Variants in FAT1 observed in about 807,000 individuals in gnomAD.
FAT1 encodes protocadherin Fat 1.
Under a neutral mutation model 329.8 loss-of-function variants are expected in FAT1, and 171 were observed. That is an observed-to-expected ratio of 0.52 (90% CI 0.46 to 0.59). The LOEUF is 0.59. FAT1 is among the 20% of genes least tolerant of loss of function. The probability of loss-of-function intolerance (pLI) is 0.00; values close to 1 mark genes in which losing one functional copy is unlikely to be tolerated. For synonymous variants in FAT1, 2,233 were observed against 2,228.6 expected (o/e 1.00, Z -0.06); for missense variants, 5,672 against 5,774.4 (o/e 0.98, Z 0.57).
chr4:186,647,411 G>C (rs1424818894), intron 3 of FAT1, among the ~76,000 whole-genome samples: 1 of 152,166 alleles, frequency 6.6e-6, no homozygotes, highest in Non-Finnish European at 1.5e-5. Flanking sequence ...ATGCAAAGCT[G>C]AGATTTGACC....
At chr4:186,604,058 AGTTCCC>A in intron 18 of FAT1, 81 bp from the exon 19 acceptor site, 1 of 1,115,596 alleles carries the variant, frequency 9.0e-7, no homozygotes, top group Non-Finnish European at 1.3e-6. Flanking sequence ...GTATTACTCA[AGTTCCC>A]AAAAAATTAC....
At chr4:186,607,569 G>A (rs1349749343) in intron 16 of FAT1, among the ~76,000 whole-genome samples, 3 of 152,024 alleles carry the variant, frequency 2.0e-5, no homozygotes, top group Non-Finnish European at 4.4e-5. Context: ...ATGGGTGGTG[G>A]GTGGATGGAC....
At chr4:186,642,029 T>G (rs1011660516) in intron 3 of FAT1, among the ~76,000 whole-genome samples, 3 of 151,306 alleles carry the variant, frequency 2.0e-5, no homozygotes, top group African/African-American at 7.3e-5. Flanking sequence ...AAAATCCACA[T>G]AAAGCCAAAA....
At chr4:186,667,868 G>C (rs996268572) in intron 2 of FAT1, among the ~76,000 whole-genome samples, 1 of 152,184 alleles carries the variant, frequency 6.6e-6, no homozygotes, top group Non-Finnish European at 1.5e-5. Context: ...AGCTGAGCCG[G>C]ACAGTCTGAC....
chr4:186,602,875 A>G, intron 20 of FAT1, 28 bp downstream of exon 20: 1 of 1,574,608 alleles, frequency 6.4e-7, no homozygotes, highest in Non-Finnish European at 8.6e-7. Flanking sequence ...TTTAAAAATA[A>G]AAGTATACCC....
chr4:186,684,973 C>T (rs1743394472), intron 2 of FAT1, among the ~76,000 whole-genome samples: 1 of 152,134 alleles, frequency 6.6e-6, no homozygotes, highest in Non-Finnish European at 1.5e-5. Flanking sequence ...GTGCATGAAA[C>T]ATTATCTAAA....
At position 186,640,568 on chromosome 4, in the gene FAT1, A is replaced by G. The variant is rs2126573106; in HGVS notation, c.3581-785T>C. On this transcript the variant is annotated intron_variant, in intron 3 of 26. Transcript: ENST00000441802. The stretch of plus-strand genomic sequence containing the variant: ...TTGAATTATCCACTCTCATAAATAA[A>G]GAACTGTTATAAAAAGTAATGTAAT... Among the ~76,000 whole-genome samples, 2 of 152,330 alleles carry G rather than the reference A, an allele frequency of 1.3e-5. 1 individual carries two copies. The highest frequency in any genetic ancestry group is 6.8e-3 in the Middle Eastern group (2 of 294).
At chr4:186,633,465 T>C (rs926286850) in intron 7 of FAT1, among the ~76,000 whole-genome samples, 10 of 152,192 alleles carry the variant, frequency 6.6e-5, no homozygotes, top group African/African-American at 2.4e-4. Flanking sequence ...AAGTCTTCTC[T>C]CAAAATTCTC....
chr4:186,652,257 A>C (rs886312375), intron 3 of FAT1, among the ~76,000 whole-genome samples: 1 of 152,238 alleles, frequency 6.6e-6, no homozygotes. Context: ...TAGCAGGGTC[A>C]GAAGAAGAGG....
intron 2 of FAT1, among the ~76,000 whole-genome samples, chr4:186,700,061 T>C (rs186602061): frequency 6.6e-6 from 1 of 152,284 alleles, no homozygotes; most frequent in Admixed American, 6.5e-5. Flanking sequence ...TCTGGCTTTC[T>C]TGCCCCGTAC....
intron 2 of FAT1, among the ~76,000 whole-genome samples, chr4:186,672,139 C>T (rs1742758722): frequency 1.3e-5 from 2 of 151,894 alleles, no homozygotes; most frequent in African/African-American, 4.8e-5. Context: ...GTTTATTTTG[C>T]AGAAGAAGGA....
intron 7 of FAT1, among the ~76,000 whole-genome samples, chr4:186,632,288 A>G (rs1312357767): frequency 6.6e-6 from 1 of 152,162 alleles, no homozygotes; most frequent in East Asian, 1.9e-4. Context: ...TAGTAATGAG[A>G]ATGCTTGGCA....
At chr4:186,645,374 T>C (rs1277562119) in intron 3 of FAT1, among the ~76,000 whole-genome samples, 2 of 6,556 alleles carry the variant, frequency 3.1e-4, no homozygotes, top group Non-Finnish European at 2.8e-4. Context: ...TACATATATA[T>C]ATATATATAT....
At chr4:186,637,037 A>ATT in intron 4 of FAT1, 123 bp from the exon 5 acceptor site, 2 of 808,670 alleles carry the variant, frequency 2.5e-6, no homozygotes, top group African/African-American at 3.5e-5. Flanking sequence ...CGATGACAAC[A>ATT]TACACAGCAG....
At chr4:186,673,904 C>CTACTTTTGTGGATAAGG (rs1560983933) in intron 2 of FAT1, among the ~76,000 whole-genome samples, 142 of 152,180 alleles carry the variant, frequency 9.3e-4, no homozygotes, top group African/African-American at 3.3e-3. Context: ...TGTGGATAAG[C>CTACTTTTGTGGATAAGG]TCTACTGTTA....
At chr4:186,712,764 G>A (rs1745018447) in intron 1 of FAT1, among the ~76,000 whole-genome samples, 1 of 110,566 alleles carries the variant, frequency 9.0e-6, no homozygotes, top group South Asian at 3.4e-4. Flanking sequence ...GTCCCCACCA[G>A]CATGAAGCCT....
rs2126696577 is a variant in FAT1 at position 186,708,447 on chromosome 4, G to A, written c.1381C>T (p.Pro461Ser). The A allele has an allele frequency of 6.2e-7, 1 of 1,613,952 alleles. No homozygotes were observed. The highest frequency in any genetic ancestry group is 8.5e-7 in the Non-Finnish European group (1 of 1,179,886). ...TTGTACGCTGTCTGGGTAAATTCAG[G>A]GGGATTGCTATTTGCACCTAAGACT... ...VKVLGANSNP[P>S]EFTQTAYKAA... The change falls in exon 2 of 27, where the codon CCT becomes TCT. Residue 461 changes from proline to serine, a missense_variant. Physicochemically the swap from Pro to Ser is moderately conservative, Grantham distance 74. Around this residue, in one of 2 missense-constraint regions of FAT1, gnomAD observed 3,966 missense variants for 3,915.2 expected, o/e 1.01. Coordinates refer to ENST00000441802, the MANE Select transcript of FAT1 (RefSeq NM_005245.4).
At chr4:186,687,716 T>C (rs1330751274) in intron 2 of FAT1, among the ~76,000 whole-genome samples, 1 of 152,198 alleles carries the variant, frequency 6.6e-6, no homozygotes. Flanking sequence ...GTATTTCAGA[T>C]AAAGATGCTC....
At position 186,619,441 on chromosome 4, in the gene FAT1, T is replaced by C. The variant is rs2126505617; in HGVS notation, c.7145A>G (p.Asp2382Gly). ...SDVIVTVDVT[D>G]LNDNPPLFEQ... Reference sequence around the variant, plus strand: ...AAAGAGTGGTGGATTATCATTGAGGTCGGTAACGTCCACCGTGACAATCAC... The same window carrying C: ...AAAGAGTGGTGGATTATCATTGAGGCCGGTAACGTCCACCGTGACAATCAC... The change falls in exon 10 of 27, where the codon GAC becomes GGC. Residue 2382 changes from aspartate to glycine, a missense_variant. Physicochemically the swap from Asp to Gly is moderately conservative, Grantham distance 94 (BLOSUM62 -1). Around this residue, in one of 2 missense-constraint regions of FAT1, gnomAD observed 3,966 missense variants for 3,915.2 expected, o/e 1.01. Coordinates refer to ENST00000441802, the MANE Select transcript of FAT1 (RefSeq NM_005245.4). The C allele has an allele frequency of 6.2e-7, 1 of 1,613,950 alleles. No individual in the cohort carries two copies. The highest frequency in any genetic ancestry group is 1.3e-5 in the African/African-American group (1 of 75,034).
Sources: gnomAD v4.1 joint callset for allele counts (sites outside exome capture counted in the v4.1 genomes callset) on GRCh38, gnomAD v4.1.1 for gene constraint, gnomAD v4.1.1 regional missense constraint, MANE v1.5 for transcripts, NCBI Gene and HGNC (gene_info 2026-07-23, HGNC 2026-07-21) for gene names.